Variants in STK3 observed in about 807,000 individuals in gnomAD.
STK3 encodes serine/threonine kinase 3, also known as serine/threonine-protein kinase 3.
In STK3, 41 loss-of-function variants were observed where a neutral mutation model predicts 58.0. The observed-to-expected ratio is 0.71, with a 90% CI of 0.55 to 0.92. The LOEUF (loss-of-function observed/expected upper bound fraction) is 0.92. Among genes scored for constraint, STK3 ranks in the 40% least tolerant of loss-of-function variants. The pLI is 0.00. For missense variants in STK3, 479 were observed against 602.7 expected, an observed-to-expected ratio of 0.79 and a Z score of 2.15; for synonymous variants, 170 against 191.0, an observed-to-expected ratio of 0.89 and a Z score of 0.91.
chr8:98,602,948 G>A (rs979293270), intron 6 of STK3, among the ~76,000 whole-genome samples: 5 of 150,802 alleles, frequency 3.3e-5, no homozygotes, highest in South Asian at 2.1e-4. Context: ...CTGTAACAAG[G>A]AGCACACCTG....
intron 1 of STK3, among the ~76,000 whole-genome samples, chr8:98,930,280 T>C (rs1251329938): frequency 1.3e-5 from 2 of 152,178 alleles, no homozygotes; most frequent in East Asian, 1.9e-4. Flanking sequence ...GCCCTCAGCA[T>C]GTAGGGAGGG....
At chr8:98,377,552 A>C (rs545516192) in intron 2 of STK3, among the ~76,000 whole-genome samples, 1 of 152,096 alleles carries the variant, frequency 6.6e-6, no homozygotes, top group East Asian at 1.9e-4. Flanking sequence ...CATAATAATT[A>C]TACTAAAAAC....
chr8:98,436,762 C>T (rs1798858245), intron 2 of STK3: 1 of 152,130 alleles, frequency 6.6e-6, no homozygotes, highest in Non-Finnish European at 1.5e-5. Flanking sequence ...GAGGTGAAAC[C>T]AGGAATCTGC....
At chr8:98,877,647 C>A (rs1837605542) in intron 3 of STK3, among the ~76,000 whole-genome samples, 1 of 152,022 alleles carries the variant, frequency 6.6e-6, no homozygotes, top group Non-Finnish European at 1.5e-5. Context: ...CTACACCCGG[C>A]TAATTTTGTA....
intron 2 of STK3, among the ~76,000 whole-genome samples, chr8:98,769,934 T>C (rs1046211091): frequency 6.6e-6 from 1 of 152,172 alleles, no homozygotes; most frequent in Non-Finnish European, 1.5e-5. Context: ...AAAAACAAAC[T>C]CTAGGTATAG....
intron 1 of STK3, among the ~76,000 whole-genome samples, chr8:98,794,133 C>T (rs987510803): frequency 1.3e-5 from 2 of 151,760 alleles, no homozygotes; most frequent in African/African-American, 4.8e-5. Flanking sequence ...GAACTAGAAA[C>T]AAAAGAACAA....
downstream of STK3, among the ~76,000 whole-genome samples, chr8:98,370,342 A>AGTGTGTGTGTGT (rs35062643): frequency 2.2e-3 from 310 of 138,612 alleles, 1 homozygote; most frequent in Middle Eastern, 3.8e-3. Flanking sequence ...TGACCTCTGC[A>AGTGTGTGTGTGT]GTGTGTGTGT....
rs180895866 is a variant in STK3 at position 98,548,437 on chromosome 8, T to A, written c.949-276A>T. Among the ~76,000 whole-genome samples, 4 of 152,190 alleles carry A rather than the reference T, an allele frequency of 2.6e-5. No individual in the cohort carries two copies. The South Asian group carries it at 6.2e-4, about 24-fold the overall frequency. ...AATAAGGATTAAGATAGGTAAACTA[T>A]CAGCAAATGCATAACAAAGAATATG... On this transcript the variant is annotated intron_variant, in intron 8 of 10. Coordinates refer to ENST00000419617, the MANE Select transcript of STK3 (RefSeq NM_006281.4).
intron 3 of STK3, chr8:98,401,551 A>G (rs575178678): frequency 6.6e-6 from 1 of 152,286 alleles, no homozygotes; most frequent in South Asian, 2.1e-4. Context: ...TGTGGGTTGT[A>G]TGTGTTCAGA....
rs118105856 is a variant in STK3, at chr8:98,788,074, G to A, written c.27-13255C>T. Among the ~76,000 whole-genome samples the A allele has an allele frequency of 9.5e-3, 1,442 of 152,128 alleles. 13 individuals carry two copies. The highest frequency in any genetic ancestry group is 0.014 in the Non-Finnish European group (932 of 68,010). On this transcript the variant is annotated intron_variant, in intron 1 of 10. Coordinates refer to ENST00000419617, the MANE Select transcript of STK3 (RefSeq NM_006281.4). ...AACCAAGGTATACAGGCAACAAATC[G>A]CATAATGAATGGAATGATACCTCAC...
intron 8 of STK3, among the ~76,000 whole-genome samples, chr8:98,553,141 A>G (rs1460183622): frequency 6.6e-6 from 1 of 152,162 alleles, no homozygotes; most frequent in African/African-American, 2.4e-5. Context: ...AGTAGACTAT[A>G]TATTTAACAT....
chr8:98,612,917 CT>C (rs781123584), intron 6 of STK3, among the ~76,000 whole-genome samples: 4 of 152,186 alleles, frequency 2.6e-5, no homozygotes, highest in Non-Finnish European at 5.9e-5. Context: ...ACAGCCCCCC[CT>C]AGCAGTGTCA....
chr8:98,779,033 TAATAAAATAA>T lies in STK3; in HGVS notation c.27-4224_27-4215del, dbSNP rs372304706. 10 of 151,258 alleles carry T rather than the reference TAATAAAATAA, an allele frequency of 6.6e-5. No homozygotes were observed. In the East Asian group the frequency reaches 7.7e-4, roughly 12 times the overall value. 9.4% of individuals were successfully genotyped at this position (151,258 alleles called of 1,614,324 possible). On this transcript the variant is annotated intron_variant, in intron 1 of 10. Transcript: ENST00000419617. ...TACCCTAAAACTTAAAGTATAATAA[TAATAAAATAA>T]AATAAAATAAAATAAAAAAGCCATC...
chr8:98,498,286 G>A (rs1823302334), intron 10 of STK3, among the ~76,000 whole-genome samples: 1 of 152,090 alleles, frequency 6.6e-6, no homozygotes, highest in African/African-American at 2.4e-5. Context: ...TAGATGGGGT[G>A]GGTGTCGGAT....
chr8:98,802,362 T>A (rs1278346896), intron 1 of STK3, among the ~76,000 whole-genome samples: 1 of 152,158 alleles, frequency 6.6e-6, no homozygotes, highest in Non-Finnish European at 1.5e-5. Context: ...AATGCTAATA[T>A]GGTGATAAAT....
intron 10 of STK3, among the ~76,000 whole-genome samples, chr8:98,456,232 C>T (rs1055777642): frequency 6.6e-6 from 1 of 152,210 alleles, no homozygotes; most frequent in Non-Finnish European, 1.5e-5. Flanking sequence ...GCAATCCGAT[C>T]CTCTGCCTTT....
chr8:98,712,644 C>G (rs200457444), intron 4 of STK3, among the ~76,000 whole-genome samples: 49 of 150,462 alleles, frequency 3.3e-4, no homozygotes, highest in South Asian at 6.3e-4. Flanking sequence ...CAAGTCCTGA[C>G]TGACCTACAA....
chr8:98,785,520 G>T (rs1185576007), intron 1 of STK3, among the ~76,000 whole-genome samples: 1 of 152,164 alleles, frequency 6.6e-6, no homozygotes, highest in Non-Finnish European at 1.5e-5. Context: ...CTGGCGGTGA[G>T]CCTGCCCAGT....
intron 6 of STK3, among the ~76,000 whole-genome samples, chr8:98,612,926 T>C (rs185740937): frequency 7.0e-4 from 106 of 152,284 alleles, no homozygotes; most frequent in Non-Finnish European, 1.1e-3. Context: ...CCTAGCAGTG[T>C]CAGTAGACAG....
Sources: allele counts gnomAD v4.1 joint callset (sites outside exome capture counted in the v4.1 genomes callset), GRCh38; gene constraint gnomAD v4.1.1; transcripts MANE v1.5; gene names NCBI Gene and HGNC (gene_info 2026-07-23, HGNC 2026-07-21).